CEP89: variants seen among roughly 807,000 people sequenced by gnomAD.
The protein encoded by CEP89 is centrosomal protein 89.
Under a neutral mutation model 97.6 loss-of-function variants are expected in CEP89, and 95 were observed. The ratio of observed to expected loss-of-function variants is 0.97; its 90% confidence interval spans 0.82 to 1.15. The LOEUF (loss-of-function observed/expected upper bound fraction) is 1.15. Ranked by LOEUF, CEP89 falls within the 50% of genes most tolerant of loss-of-function variation. The pLI, the probability that CEP89 is intolerant of heterozygous loss-of-function variation, is 0.00. For missense variants in CEP89, 869 were observed against 947.7 expected (o/e 0.92, Z 1.09); for synonymous variants, 354 against 349.1 (o/e 1.01, Z -0.16).
chr19:32,883,428 C>A (rs1018910104), intron 17 of CEP89, among the ~76,000 whole-genome samples: 1 of 152,028 alleles, frequency 6.6e-6, no homozygotes, highest in African/African-American at 2.4e-5. Context: ...TTGAGGCGGG[C>A]AGATCACCTG....
intron 12 of CEP89, among the ~76,000 whole-genome samples, chr19:32,921,221 C>CAA (rs35581184): frequency 2.8e-4 from 38 of 134,180 alleles, no homozygotes; most frequent in East Asian, 1.7e-3. Context: ...GACTCTGTCT[C>CAA]AAAAAAAAAA....
chr19:32,888,091 G>A (rs1969438664), intron 16 of CEP89, among the ~76,000 whole-genome samples: 2 of 152,326 alleles, frequency 1.3e-5, no homozygotes, highest in Non-Finnish European at 2.9e-5. Context: ...CAGACCAGGG[G>A]AACGGGAGAG....
intron 14 of CEP89, among the ~76,000 whole-genome samples, chr19:32,912,007 A>G (rs1049211178): frequency 1.3e-5 from 2 of 152,088 alleles, no homozygotes; most frequent in African/African-American, 4.8e-5. Context: ...CAGGCGGATC[A>G]CTTAAGGCCA....
At chr19:32,908,389 TCA>T (rs1568554083) in intron 14 of CEP89, among the ~76,000 whole-genome samples, 1 of 152,094 alleles carries the variant, frequency 6.6e-6, no homozygotes, top group East Asian at 1.9e-4. Context: ...AGCTTTGGGC[TCA>T]GAGTCGATAG....
At chr19:32,907,786 CA>C (rs1477642569) in intron 14 of CEP89, among the ~76,000 whole-genome samples, 1 of 152,174 alleles carries the variant, frequency 6.6e-6, no homozygotes, top group Non-Finnish European at 1.5e-5. Flanking sequence ...AGGCTTTTGC[CA>C]TGTTGGCCAG....
chr19:32,944,408 G>A (rs1970753669), intron 5 of CEP89, among the ~76,000 whole-genome samples: 1 of 152,048 alleles, frequency 6.6e-6, no homozygotes, highest in Non-Finnish European at 1.5e-5. Context: ...ACGGGTGGAT[G>A]CCCAGGAAGG....
chr19:32,926,417 C>T (rs1456539181), intron 10 of CEP89, 144 bp from the exon 11 acceptor site: 7 of 642,632 alleles, frequency 1.1e-5, no homozygotes, highest in Non-Finnish European at 1.9e-5. Context: ...TCTCCCAGCT[C>T]AGGATCCCAG....
chr19:32,918,887 T>TC (rs1304887848), intron 12 of CEP89, among the ~76,000 whole-genome samples: 40 of 144,212 alleles, frequency 2.8e-4, no homozygotes, highest in African/African-American at 9.6e-4. Context: ...TCTTTTTCTT[T>TC]TTTTTTTTTT....
rs1458585699 is a variant in CEP89, at chr19:32,877,233, T to C, written c.*1929A>G. On this transcript the variant is annotated 3_prime_UTR_variant, in exon 19 of 19. Transcript: ENST00000305768. ...TTATAGAGTCATAAAAGAACTATGA[T>C]TTTCTATCTCACCCTTCCGTCTGGC... is the stretch of plus-strand genomic sequence containing the variant. The C allele has an allele frequency of 6.6e-6, 1 of 152,212 alleles. No homozygotes were observed. The allele number at this position is 152,212 out of a possible 1,614,324, so 9.4% of individuals were successfully genotyped here.
In CEP89 at chr19:32,878,889, A is replaced by G. The variant is rs1211792655; in HGVS notation, c.*273T>C. ...AGGCTGAAGCAGAAGGATCTCAAAC[A>G]TGTTTGAGGCTGCCGTGAGCTATGA... On this transcript the variant is annotated 3_prime_UTR_variant, in exon 19 of 19. Transcript: ENST00000305768. 3.2e-6 allele frequency: 1 copy of G among 314,758 alleles called. No homozygotes were observed. Among genetic ancestry groups the G allele is most frequent in the Non-Finnish European group, 5.8e-6 (1 of 173,226 alleles). The allele number at this position is 314,758 out of a possible 1,614,324, so 19.5% of individuals were successfully genotyped here.
intron 2 of CEP89, among the ~76,000 whole-genome samples, chr19:32,960,739 G>A (rs1971149122): frequency 6.6e-6 from 1 of 151,646 alleles, no homozygotes; most frequent in South Asian, 2.1e-4. Context: ...GAACCCGGGA[G>A]GTGGAGGTTA....
At chr19:32,951,676 G>A (rs908353086) in intron 4 of CEP89, among the ~76,000 whole-genome samples, 2 of 151,794 alleles carry the variant, frequency 1.3e-5, no homozygotes, top group African/African-American at 2.4e-5. Context: ...AGGGAGTGGG[G>A]TTAGGGGACA....
intron 14 of CEP89, 60 bp from the exon 15 acceptor site, chr19:32,901,472 C>T: frequency 6.5e-7 from 1 of 1,544,472 alleles, no homozygotes; most frequent in Non-Finnish European, 8.8e-7. Flanking sequence ...ATGGGGCAGT[C>T]ACATAACGAG....
At chr19:32,923,043 G>A (rs1188910208) in intron 12 of CEP89, among the ~76,000 whole-genome samples, 5 of 152,102 alleles carry the variant, frequency 3.3e-5, no homozygotes, top group African/African-American at 1.2e-4. Context: ...GATGGAAGCT[G>A]GTCGTGCAAG....
At chr19:32,905,071 T>G (rs1969860616) in intron 14 of CEP89, among the ~76,000 whole-genome samples, 1 of 152,368 alleles carries the variant, frequency 6.6e-6, no homozygotes, top group Admixed American at 6.5e-5. Context: ...TTCCCAAACC[T>G]TCTAAGTTTT....
intron 16 of CEP89, among the ~76,000 whole-genome samples, chr19:32,899,305 AT>A (rs951945848): frequency 1.5e-4 from 23 of 150,982 alleles, no homozygotes; most frequent in Middle Eastern, 3.2e-3. Flanking sequence ...TAATTTTTAA[AT>A]TTTTTTTTGT....
At chr19:32,918,106 A>C (rs1185837946) in intron 13 of CEP89, 118 bp downstream of exon 13, 4 of 807,618 alleles carry the variant, frequency 5.0e-6, no homozygotes, top group Non-Finnish European at 8.3e-6. Context: ...TTCCAGTCAA[A>C]AATGCAAAAC....
chr19:32,966,809 G>A (rs1599788041), intron 1 of CEP89, among the ~76,000 whole-genome samples: 1 of 152,134 alleles, frequency 6.6e-6, no homozygotes, highest in African/African-American at 2.4e-5. Flanking sequence ...AGAGCAGGGC[G>A]ACTTCCTGAG....
intron 14 of CEP89, among the ~76,000 whole-genome samples, chr19:32,913,279 A>G (rs1970044501): frequency 7.6e-6 from 1 of 131,350 alleles, no homozygotes. Context: ...GACATGAGAA[A>G]ATAGCCACCA....
Sources: gnomAD v4.1 joint callset for allele counts (sites outside exome capture counted in the v4.1 genomes callset) on GRCh38, gnomAD v4.1.1 for gene constraint, MANE v1.5 for transcripts, NCBI Gene and HGNC (gene_info 2026-07-23, HGNC 2026-07-21) for gene names.